Variants in FANK1 observed in about 807,000 individuals in gnomAD.
FANK1 encodes fibronectin type 3 and ankyrin repeat domains protein 1.
Under a neutral mutation model 45.3 loss-of-function variants are expected in FANK1, and 44 were observed. The ratio of observed to expected loss-of-function variants is 0.97; its 90% confidence interval spans 0.76 to 1.25. The LOEUF is 1.25. Among genes scored for constraint, FANK1 ranks in the 50% most tolerant of loss-of-function variants. FANK1 has a pLI of 0.00. For missense variants in FANK1, 391 were observed against 424.4 expected (o/e 0.92, Z 0.69); for synonymous variants, 149 against 152.5 (o/e 0.98, Z 0.17).
intron 1 of FANK1, among the ~76,000 whole-genome samples, chr10:125,912,791 C>T (rs1192605883): frequency 6.6e-6 from 1 of 152,206 alleles, no homozygotes; most frequent in Non-Finnish European, 1.5e-5. Context: ...GTGCCCACCA[C>T]CATGCCCAGC....
chr10:125,917,880 C>G (rs1946573269), intron 1 of FANK1, among the ~76,000 whole-genome samples: 2 of 152,406 alleles, frequency 1.3e-5, no homozygotes. Flanking sequence ...CCCAAGAGTT[C>G]AAGACCAGGC....
rs1388969565 is a variant in FANK1, at chr10:125,971,153, GCTAT to G, written c.14-9005_14-9002del. Among the ~76,000 whole-genome samples the G allele has an allele frequency of 3.9e-5, 6 of 152,236 alleles. No individual in the cohort carries two copies. The South Asian group carries it at 1.0e-3, about 26-fold the overall frequency. On this transcript the variant is annotated intron_variant, in intron 1 of 10. Transcript: ENST00000368693. ...ACAATCTTTTCAGATTTATCTATGA[GCTAT>G]CTTGCTAATTGTTTCACCCACATTC...
chr10:125,928,627 C>G (rs1275396326), intron 1 of FANK1, among the ~76,000 whole-genome samples: 1 of 152,142 alleles, frequency 6.6e-6, no homozygotes. Flanking sequence ...ATCGTGTCAG[C>G]TTTTAAAAAC....
At chr10:125,994,839 T>G in intron 3 of FANK1, 2 of 985,380 alleles carry the variant, frequency 2.0e-6, no homozygotes, top group Non-Finnish European at 2.4e-6. Context: ...TCTGGACTCC[T>G]CCTGGGTCTT....
intron 1 of FANK1, among the ~76,000 whole-genome samples, chr10:125,949,603 G>T (rs1485601477): frequency 2.8e-5 from 4 of 143,964 alleles, no homozygotes; most frequent in Non-Finnish European, 6.2e-5. Context: ...CACTGCTCAA[G>T]GAAATAAAAG....
In FANK1 at chr10:125,904,158, G is replaced by T. The variant is rs562930933; in HGVS notation, c.13+7503G>T. Among the ~76,000 whole-genome samples, 3 of 152,234 alleles carry T rather than the reference G, an allele frequency of 2.0e-5. No individual in the cohort carries two copies. In the East Asian group the frequency reaches 5.8e-4, roughly 29 times the overall value. On this transcript the variant is annotated intron_variant, in intron 1 of 10. Transcript: ENST00000368693. ...CTGCAAGGAATTAACACTGAGCGTA[G>T]TATTAGTAAAACCTATCTTCTACTC...
rs992455420 is a variant in FANK1 at position 125,983,135 on chromosome 10, G to A, written c.191+2797G>A. ...CCAGTCAGATTTCTTACTGTCCTTT[G>A]AATATGCCTTGACGTTTTCTGCATG... On this transcript the variant is annotated intron_variant, in intron 2 of 10. Coordinates refer to ENST00000368693, the MANE Select transcript of FANK1 (RefSeq NM_145235.5). The surrounding 1 kb of genome is among the most constrained non-coding windows in gnomAD (Gnocchi z 4.3). Among the ~76,000 whole-genome samples, 1 of 152,020 alleles carries A rather than the reference G, an allele frequency of 6.6e-6. No homozygotes were observed. Among genetic ancestry groups the A allele is most frequent in the Non-Finnish European group, 1.5e-5 (1 of 68,012 alleles).
At chr10:126,008,846 T>G (rs3817307) in intron 8 of FANK1, among the ~76,000 whole-genome samples, 96,295 of 152,036 alleles carry the variant, frequency 0.63, 31,178 homozygotes, top group East Asian at 0.77. Flanking sequence ...TTAGTGTGGA[T>G]AGAGGGAGTC....
chr10:125,940,870 C>T lies in FANK1; in HGVS notation c.14-39291C>T, dbSNP rs191860672. 2.8e-3 allele frequency among the ~76,000 whole-genome samples: 432 copies of T among 152,336 alleles called. 1 individual carries two copies. Among genetic ancestry groups the T allele is most frequent in the Non-Finnish European group, 4.9e-3 (330 of 68,036 alleles). On this transcript the variant is annotated intron_variant, in intron 1 of 10. Transcript: ENST00000368693. ...ATACTGCCTGTAAACATATTGTTAA[C>T]AAGGCACATCCTGCACAGCCCTAGA...
chr10:125,904,431 TAC>T (rs917896668), intron 1 of FANK1, among the ~76,000 whole-genome samples: 15 of 152,090 alleles, frequency 9.9e-5, no homozygotes, highest in African/African-American at 3.6e-4. Flanking sequence ...ACACCAACAT[TAC>T]AGATTTTTTT....
intron 1 of FANK1, chr10:125,960,185 C>T (rs772084372): frequency 2.4e-5 from 5 of 204,684 alleles, no homozygotes; most frequent in Non-Finnish European, 5.0e-5. Flanking sequence ...CTGCAGACTT[C>T]TTTCCTAGAG....
intron 7 of FANK1, among the ~76,000 whole-genome samples, chr10:126,006,892 T>C (rs1953258619): frequency 2.0e-5 from 3 of 152,154 alleles, no homozygotes. Flanking sequence ...AGGGCAAATC[T>C]CTGCTATCAA....
intron 1 of FANK1, among the ~76,000 whole-genome samples, chr10:125,922,985 G>GT (rs369177414): frequency 1.3e-5 from 2 of 151,736 alleles, no homozygotes; most frequent in Admixed American, 6.6e-5. Context: ...TAGTGGCAGA[G>GT]TTTTTTTTGT....
chr10:125,925,565 T>C (rs1296778276), intron 1 of FANK1, among the ~76,000 whole-genome samples: 2 of 152,138 alleles, frequency 1.3e-5, no homozygotes, highest in Non-Finnish European at 2.9e-5. Context: ...GCCAAATAAT[T>C]GTTTTTATTT....
At chr10:125,898,628 G>T (rs1944774384) in intron 1 of FANK1, among the ~76,000 whole-genome samples, 1 of 151,650 alleles carries the variant, frequency 6.6e-6, no homozygotes, top group South Asian at 2.1e-4. Context: ...AGAGGAGGAG[G>T]AAAAAACAGG....
In FANK1 at chr10:126,008,462, T is replaced by C; in HGVS notation, c.761T>C (p.Val254Ala). The change falls in exon 8 of 11, where the codon GTG becomes GCG. Residue 254 changes from valine (V) to alanine (A), a missense_variant. Transcript: ENST00000368693. ...ACCCCACTCATGAGAGTCTCTGCGG[T>C]GTCGGGAAATCAGAGGGTGGCCTCT... ...GWTPLMRVSA[V>A]SGNQRVASLL... 1 of 1,613,588 alleles carries C rather than the reference T, an allele frequency of 6.2e-7. No individual in the cohort carries two copies. The highest frequency in any genetic ancestry group is 1.3e-5 in the African/African-American group (1 of 74,986).
chr10:125,988,621 A>C lies in FANK1; in HGVS notation c.262A>C (p.Thr88Pro), dbSNP rs1590184287. The C allele has an allele frequency of 6.2e-7, 1 of 1,614,180 alleles. No individual in the cohort carries two copies. Among genetic ancestry groups the C allele is most frequent in the African/African-American group, 1.3e-5 (1 of 75,040 alleles). ...RTLYRFRLKV[T>P]SPSGECEYSP... Reference sequence around the variant, plus strand: ...GCTGTACAGATTTCGCCTGAAGGTCACCAGCCCCTCTGGGGAGTGTGAGTA... The same window carrying C: ...GCTGTACAGATTTCGCCTGAAGGTCCCCAGCCCCTCTGGGGAGTGTGAGTA... Residue 88 changes from threonine (T) to proline (P), a missense_variant, in exon 3 of 11, where the codon ACC becomes CCC. By Grantham distance (38) the Thr-to-Pro change is conservative. Coordinates refer to ENST00000368693, the MANE Select transcript of FANK1 (RefSeq NM_145235.5).
intron 1 of FANK1, among the ~76,000 whole-genome samples, chr10:125,962,124 C>A (rs374902084): frequency 6.6e-6 from 1 of 152,142 alleles, no homozygotes; most frequent in Non-Finnish European, 1.5e-5. Flanking sequence ...CCAAGGAGCT[C>A]GAACATCTCA....
rs1034529874 is a variant in FANK1 at position 125,925,883 on chromosome 10, T to G, written c.13+29228T>G. The stretch of plus-strand genomic sequence containing the variant: ...GTATAGATGGTGAGTGGTGTGTATG[T>G]ACATGCATATGTGTTTGTGTCATTT... On this transcript the variant is annotated intron_variant, in intron 1 of 10. Transcript: ENST00000368693. Among the ~76,000 whole-genome samples the G allele has an allele frequency of 3.5e-4, 53 of 152,252 alleles. 1 individual carries two copies. The highest frequency in any genetic ancestry group is 4.4e-5 in the Non-Finnish European group (3 of 68,052).
Sources: gnomAD v4.1 joint callset for allele counts (sites outside exome capture counted in the v4.1 genomes callset) on GRCh38, gnomAD v4.1.1 for gene constraint, Gnocchi (gnomAD v3.1) non-coding constraint, MANE v1.5 for transcripts, NCBI Gene and HGNC (gene_info 2026-07-23, HGNC 2026-07-21) for gene names.